XXYLT1: variants seen among roughly 807,000 people sequenced by gnomAD.
XXYLT1 encodes UDP-xylose:alpha-xyloside alpha-1,3-xylosyltransferase.
Under a neutral mutation model 28.9 loss-of-function variants are expected in XXYLT1, and 20 were observed. The observed-to-expected ratio is 0.69, with a 90% CI of 0.49 to 1.00. XXYLT1 has a LOEUF of 1.00. Among genes scored for constraint, XXYLT1 ranks in the 50% least tolerant of loss-of-function variants. The pLI, the probability that XXYLT1 is intolerant of heterozygous loss-of-function variation, is 0.00. For missense variants in XXYLT1, 542 were observed against 560.1 expected, an observed-to-expected ratio of 0.97 and a Z score of 0.33; for synonymous variants, 257 against 253.8, an observed-to-expected ratio of 1.01 and a Z score of -0.12.
intron 3 of XXYLT1, among the ~76,000 whole-genome samples, chr3:195,155,894 C>T (rs7653355): frequency 0.13 from 20,061 of 151,032 alleles, 1,606 homozygotes; most frequent in East Asian, 0.28. Context: ...CTACAAATAA[C>T]GCTACAGTGA....
At chr3:195,117,064 G>A (rs920145834) in intron 3 of XXYLT1, among the ~76,000 whole-genome samples, 1 of 151,576 alleles carries the variant, frequency 6.6e-6, no homozygotes, top group African/African-American at 2.4e-5. Context: ...GAGAATTGCT[G>A]TAGTTTATTG....
intron 3 of XXYLT1, among the ~76,000 whole-genome samples, chr3:195,120,449 T>C (rs577030052): frequency 6.6e-6 from 1 of 152,256 alleles, no homozygotes; most frequent in East Asian, 1.9e-4. Flanking sequence ...ATGGGAGTAA[T>C]ATTCATATTG....
At chr3:195,191,854 A>G (rs973463641) in intron 2 of XXYLT1, among the ~76,000 whole-genome samples, 14 of 152,240 alleles carry the variant, frequency 9.2e-5, no homozygotes, top group Non-Finnish European at 1.6e-4. Flanking sequence ...TAGACCTCCC[A>G]AATCCATAAA....
chr3:195,180,004 T>G lies in XXYLT1; in HGVS notation c.653-23423A>C, dbSNP rs1405572913. ...ACACAGGCAGGCTCCAGGCCGGGAC[T>G]CCACACTGCAGGCAGAGTCGGGCCA... On this transcript the variant is annotated intron_variant, in intron 2 of 3. Transcript: ENST00000310380. The surrounding 1 kb of genome is among the most constrained non-coding windows in gnomAD (Gnocchi z 5.8). 6.6e-6 allele frequency among the ~76,000 whole-genome samples: 1 copy of G among 152,082 alleles called. No individual in the cohort carries two copies. Among genetic ancestry groups the G allele is most frequent in the Non-Finnish European group, 1.5e-5 (1 of 68,032 alleles).
chr3:195,261,463 TAAAGA>T (rs764386184), intron 1 of XXYLT1, among the ~76,000 whole-genome samples: 20 of 151,102 alleles, frequency 1.3e-4, no homozygotes, highest in Non-Finnish European at 2.4e-4. Context: ...AAAAGGAAAT[TAAAGA>T]AAAGAAAAGA....
chr3:195,141,274 A>G (rs1159720737), intron 3 of XXYLT1, among the ~76,000 whole-genome samples: 2 of 152,226 alleles, frequency 1.3e-5, no homozygotes, highest in Non-Finnish European at 2.9e-5. Flanking sequence ...ATTCCAGTGC[A>G]AGAATAGTCC....
At chr3:195,158,428 C>T (rs1322757371) in intron 2 of XXYLT1, among the ~76,000 whole-genome samples, 1 of 152,242 alleles carries the variant, frequency 6.6e-6, no homozygotes, top group Non-Finnish European at 1.5e-5. Flanking sequence ...TTAATATACC[C>T]TTCAGTAAAC....
intron 2 of XXYLT1, among the ~76,000 whole-genome samples, chr3:195,185,372 A>G (rs1722147770): frequency 6.6e-6 from 1 of 152,054 alleles, no homozygotes; most frequent in South Asian, 2.1e-4. Context: ...GAAATGGGGG[A>G]GGAATAAAGA....
intron 1 of XXYLT1, among the ~76,000 whole-genome samples, chr3:195,228,396 C>T (rs1436924117): frequency 6.6e-6 from 1 of 152,074 alleles, no homozygotes; most frequent in African/African-American, 2.4e-5. Flanking sequence ...GCCTGCACTA[C>T]CTGCACTTCC....
chr3:195,180,389 ACTTC>A lies in XXYLT1; in HGVS notation c.653-23812_653-23809del. ...CTGGCCCGCCTGGCCCTCAAGACAC[ACTTC>A]CTTCGGCTGCAGCCTCGCCGATTCC... is the stretch of plus-strand genomic sequence containing the variant. On this transcript the variant is annotated intron_variant, in intron 2 of 3. Transcript: ENST00000310380. This position sits in a 1 kb window ranked among gnomAD's most constrained non-coding sequence, Gnocchi z 5.8. 1.0e-6 allele frequency: 1 copy of A among 985,210 alleles called. No homozygotes were observed. The highest frequency in any genetic ancestry group is 1.8e-5 in the African/African-American group (1 of 57,096). 61.0% of individuals were successfully genotyped at this position (985,210 alleles called of 1,614,324 possible). A position where few individuals can be genotyped will look rare whatever the true frequency, so the allele number is the denominator to read the frequency against.
chr3:195,183,709 T>C (rs2108741436), intron 2 of XXYLT1: 1 of 152,346 alleles, frequency 6.6e-6, no homozygotes, highest in East Asian at 1.9e-4. Context: ...AGCTCTGCTA[T>C]GGTTGCAAAC....
intron 1 of XXYLT1, among the ~76,000 whole-genome samples, chr3:195,251,657 AG>A (rs1725261006): frequency 6.6e-6 from 1 of 152,200 alleles, no homozygotes; most frequent in South Asian, 2.1e-4. Flanking sequence ...GGAGCCACGC[AG>A]GTCTGCTCTC....
chr3:195,085,075 A>G (rs1224949773), intron 3 of XXYLT1, among the ~76,000 whole-genome samples: 1 of 152,218 alleles, frequency 6.6e-6, no homozygotes, highest in East Asian at 1.9e-4. Context: ...CCTTCTCCCA[A>G]GCAAGGATGA....
chr3:195,185,491 G>A (rs575983223), intron 2 of XXYLT1, among the ~76,000 whole-genome samples: 2 of 145,208 alleles, frequency 1.4e-5, no homozygotes, highest in Non-Finnish European at 3.0e-5. Context: ...GTCCAGAGAG[G>A]TTTAGGGCTG....
intron 3 of XXYLT1, among the ~76,000 whole-genome samples, chr3:195,098,959 G>A (rs891717927): frequency 2.0e-5 from 3 of 152,210 alleles, no homozygotes; most frequent in Non-Finnish European, 4.4e-5. Context: ...CCTTGGCTTG[G>A]CAGGGCTGCT....
intron 1 of XXYLT1, among the ~76,000 whole-genome samples, chr3:195,267,374 G>T (rs1725877544): frequency 1.3e-5 from 2 of 152,254 alleles, no homozygotes; most frequent in Non-Finnish European, 2.9e-5. Flanking sequence ...GGGAAATACA[G>T]CACAAAGGGA....
intron 3 of XXYLT1, among the ~76,000 whole-genome samples, chr3:195,099,830 C>CA (rs35428286): frequency 0.044 from 4,290 of 97,088 alleles, 174 homozygotes; most frequent in South Asian, 0.12. Flanking sequence ...GACTCTGTCT[C>CA]AAAAAAAAAA....
chr3:195,132,698 C>T (rs874197), intron 3 of XXYLT1, among the ~76,000 whole-genome samples: 47,097 of 152,008 alleles, frequency 0.31, 8,215 homozygotes, highest in East Asian at 0.68. Flanking sequence ...CAAGGAGGAA[C>T]GCCACGGTTT....
In XXYLT1 at chr3:195,195,351, G is replaced by A. The variant is rs1019604656; in HGVS notation, c.652+31358C>T. Among the ~76,000 whole-genome samples the A allele has an allele frequency of 6.6e-5, 10 of 152,168 alleles. No individual in the cohort carries two copies. The highest frequency in any genetic ancestry group is 2.4e-4 in the African/African-American group (10 of 41,430). On this transcript the variant is annotated intron_variant, in intron 2 of 3. Transcript: ENST00000310380. The surrounding 1 kb of genome is among the most constrained non-coding windows in gnomAD (Gnocchi z 4.4). Reference sequence around the variant, plus strand: ...TTGCTATTACCAGCAAGACATGCCTGGCTTGAAGTGCTCTGAGAAGGTGGC... The same window carrying A: ...TTGCTATTACCAGCAAGACATGCCTAGCTTGAAGTGCTCTGAGAAGGTGGC...
Sources: allele counts gnomAD v4.1 joint callset (sites outside exome capture counted in the v4.1 genomes callset), GRCh38; gene constraint gnomAD v4.1.1; non-coding constraint Gnocchi (gnomAD v3.1); transcripts MANE v1.5; gene names NCBI Gene and HGNC (gene_info 2026-07-23, HGNC 2026-07-21).